LIMD1: variants seen among roughly 807,000 people sequenced by gnomAD.
LIMD1 encodes LIM domain containing 1, also known as LIM domain-containing protein 1.
LIMD1 carries 23 observed loss-of-function variants against 58.4 expected under a neutral mutation model. The observed-to-expected ratio is 0.39, with a 90% CI of 0.28 to 0.56. The LOEUF is 0.56. Among genes scored for constraint, LIMD1 ranks in the 20% least tolerant of loss-of-function variants. LIMD1 has a pLI of 0.57. For missense variants in LIMD1, 838 were observed against 855.5 expected (o/e 0.98, Z 0.25); for synonymous variants, 334 against 345.5 (o/e 0.97, Z 0.37).
rs968222990 is a variant in LIMD1, at chr3:45,636,044, G to A, written c.1409-106G>A. ...AGTCATCCACTGGATTTGGTGGTGG[G>A]CTGGCCATGGGGAGGGATGGTATTA... On this transcript the variant is annotated intron_variant, in intron 1 of 7. Transcript: ENST00000273317. The A allele has an allele frequency of 3.2e-6, 5 of 1,564,040 alleles. No individual in the cohort carries two copies. The African/African-American group carries it at 5.5e-5, about 17-fold the overall frequency.
intron 1 of LIMD1, among the ~76,000 whole-genome samples, chr3:45,624,934 GC>G (rs1341550058): frequency 6.8e-6 from 1 of 147,802 alleles, no homozygotes; most frequent in Non-Finnish European, 1.5e-5. Flanking sequence ...TGGAGTAGGT[GC>G]CCCCCAAAGT....
In LIMD1 at chr3:45,595,574, T is replaced by C. The variant is rs759297347; in HGVS notation, c.695T>C (p.Leu232Pro). 4 of 1,613,556 alleles carry C rather than the reference T, an allele frequency of 2.5e-6. No homozygotes were observed. The South Asian group carries it at 3.3e-5, about 13-fold the overall frequency. ...GACCATCCCCTAAATCACCGACAGC[T>C]CTCCCTGAGCTCCAGCAGGTCTTCT... Reference protein sequence around the residue: ...CGDHPLNHRQLSLSSSRSSEG... With the variant: ...CGDHPLNHRQPSLSSSRSSEG... Residue 232 changes from leucine to proline, a missense_variant, in exon 1 of 8, where the codon CTC (leucine) becomes CCC (proline). This residue lies in a region of LIMD1 where 659 missense variants were observed against 639.8 expected (regional missense o/e 1.03). Coordinates refer to ENST00000273317, the MANE Select transcript of LIMD1 (RefSeq NM_014240.3).
chr3:45,647,806 T>C (rs1194730721), intron 2 of LIMD1, among the ~76,000 whole-genome samples: 2 of 152,204 alleles, frequency 1.3e-5, no homozygotes, highest in African/African-American at 4.8e-5. Context: ...GTCTTCTTTC[T>C]TTCTAACTAT....
At chr3:45,664,097 C>T (rs966268156) in intron 2 of LIMD1, among the ~76,000 whole-genome samples, 1 of 152,050 alleles carries the variant, frequency 6.6e-6, no homozygotes, top group African/African-American at 2.4e-5. Flanking sequence ...TCTCGAACTC[C>T]TGACCTCAGG....
At chr3:45,617,381 C>T (rs1318181991) in intron 1 of LIMD1, among the ~76,000 whole-genome samples, 1 of 152,088 alleles carries the variant, frequency 6.6e-6, no homozygotes, top group East Asian at 1.9e-4. Context: ...TTTGTCTTTT[C>T]TAAGAAAGGG....
At chr3:45,598,840 G>A (rs1701381699) in intron 1 of LIMD1, among the ~76,000 whole-genome samples, 1 of 152,220 alleles carries the variant, frequency 6.6e-6, no homozygotes, top group Non-Finnish European at 1.5e-5. Context: ...CAGACAGCAA[G>A]CACAGAGTCC....
At chr3:45,615,440 G>A (rs960991541) in intron 1 of LIMD1, among the ~76,000 whole-genome samples, 5 of 152,140 alleles carry the variant, frequency 3.3e-5, no homozygotes, top group African/African-American at 9.7e-5. Context: ...GGGTTTTAGT[G>A]TAACCATCAA....
chr3:45,620,156 C>T lies in LIMD1; in HGVS notation c.1409-15994C>T, dbSNP rs557861104. 5.9e-5 allele frequency among the ~76,000 whole-genome samples: 9 copies of T among 152,242 alleles called. No individual in the cohort carries two copies. The East Asian group carries it at 1.5e-3, about 26-fold the overall frequency. ...CAAGACACTTTCTGCTGGAGGTTGA[C>T]ATTTGTTTTAGTAGTTTATGTTGAT... On this transcript the variant is annotated intron_variant, in intron 1 of 7. Coordinates refer to ENST00000273317, the MANE Select transcript of LIMD1 (RefSeq NM_014240.3).
intron 2 of LIMD1, among the ~76,000 whole-genome samples, chr3:45,644,286 T>G (rs116625205): frequency 6.6e-6 from 1 of 152,214 alleles, no homozygotes; most frequent in Non-Finnish European, 1.5e-5. Context: ...TCTTACAAAG[T>G]CTAAATACTG....
chr3:45,664,107 G>T (rs1697481259), intron 2 of LIMD1, among the ~76,000 whole-genome samples: 2 of 151,994 alleles, frequency 1.3e-5, no homozygotes, highest in African/African-American at 4.8e-5. Flanking sequence ...CTGACCTCAG[G>T]TGATCCACCT....
At chr3:45,617,673 A>G (rs569119975) in intron 1 of LIMD1, among the ~76,000 whole-genome samples, 1 of 152,240 alleles carries the variant, frequency 6.6e-6, no homozygotes, top group South Asian at 2.1e-4. Flanking sequence ...AGAACTGAAC[A>G]AAGTGTGCTT....
chr3:45,626,919 G>T (rs1283790925), intron 1 of LIMD1, among the ~76,000 whole-genome samples: 1 of 151,040 alleles, frequency 6.6e-6, no homozygotes. Context: ...TAAATTCATT[G>T]AAAAAATACT....
chr3:45,657,458 G>A (rs1697351538), intron 2 of LIMD1, among the ~76,000 whole-genome samples: 3 of 150,428 alleles, frequency 2.0e-5, no homozygotes, highest in South Asian at 4.2e-4. Flanking sequence ...CCAGGAGTTC[G>A]AGGCTGCAGT....
chr3:45,665,993 C>T (rs1424873786), intron 3 of LIMD1, among the ~76,000 whole-genome samples: 2 of 152,146 alleles, frequency 1.3e-5, no homozygotes, highest in African/African-American at 4.8e-5. Context: ...CCTCTTAGAC[C>T]ACTGGACTGG....
At chr3:45,600,199 G>A (rs1218527127) in intron 1 of LIMD1, among the ~76,000 whole-genome samples, 1 of 152,194 alleles carries the variant, frequency 6.6e-6, no homozygotes, top group Admixed American at 6.5e-5. Flanking sequence ...GAGAGTCAGA[G>A]TGACACAACT....
At chr3:45,600,158 G>A (rs1350405680) in intron 1 of LIMD1, among the ~76,000 whole-genome samples, 1 of 152,166 alleles carries the variant, frequency 6.6e-6, no homozygotes, top group East Asian at 1.9e-4. Flanking sequence ...CCAAACAGAA[G>A]AATGTTTAAT....
intron 2 of LIMD1, among the ~76,000 whole-genome samples, chr3:45,649,098 T>C (rs1464165994): frequency 6.6e-6 from 1 of 152,226 alleles, no homozygotes; most frequent in Non-Finnish European, 1.5e-5. Flanking sequence ...TGGTGCTTTT[T>C]GTAGGAAAAC....
chr3:45,685,281 G>T lies in LIMD1; in HGVS notation c.*8222G>T, dbSNP rs1697797246. 6.6e-6 allele frequency: 1 copy of T among 152,244 alleles called. No individual in the cohort carries two copies. Among genetic ancestry groups the T allele is most frequent in the Non-Finnish European group, 1.5e-5 (1 of 68,020 alleles). 9.4% of individuals were successfully genotyped at this position (152,244 alleles called of 1,614,324 possible). On this transcript the variant is annotated 3_prime_UTR_variant, in exon 8 of 8. Coordinates refer to ENST00000273317, the MANE Select transcript of LIMD1 (RefSeq NM_014240.3). ...GGCCTTTAAAAACCCCAGAAGAATG[G>T]GGTTTCTGCCAGATTATTTTCTGGT...
At chr3:45,624,346 G>A (rs756687534) in intron 1 of LIMD1, among the ~76,000 whole-genome samples, 68 of 152,196 alleles carry the variant, frequency 4.5e-4, no homozygotes, top group Admixed American at 1.1e-3. Flanking sequence ...AAATAAAGTC[G>A]AGATGTGAGA....
Sources: allele counts gnomAD v4.1 joint callset (sites outside exome capture counted in the v4.1 genomes callset), GRCh38; gene constraint gnomAD v4.1.1; regional missense constraint gnomAD v4.1.1; transcripts MANE v1.5; gene names NCBI Gene and HGNC (gene_info 2026-07-23, HGNC 2026-07-21).